The following RALYL variants were observed in gnomAD, a reference collection of about 807,000 sequenced individuals.
RALYL encodes RNA-binding Raly-like protein.
Under a neutral mutation model 35.1 loss-of-function variants are expected in RALYL, and 29 were observed. The observed-to-expected ratio is 0.83, with a 90% CI of 0.61 to 1.13. RALYL has a LOEUF of 1.13. Among genes scored for constraint, RALYL ranks in the 50% most tolerant of loss-of-function variants. The probability of loss-of-function intolerance (pLI) is 0.00; values close to 1 mark genes in which losing one functional copy is unlikely to be tolerated. For synonymous variants in RALYL, 120 were observed against 127.6 expected (o/e 0.94, Z 0.40); for missense variants, 359 against 360.4 (o/e 1.00, Z 0.03).
At chr8:84,735,102 A>G (rs946183750) in intron 2 of RALYL, among the ~76,000 whole-genome samples, 4 of 151,190 alleles carry the variant, frequency 2.6e-5, no homozygotes, top group Non-Finnish European at 1.5e-5. Flanking sequence ...GCACAGTTTC[A>G]TTTGCCATAT....
intron 2 of RALYL, among the ~76,000 whole-genome samples, chr8:84,530,500 A>C (rs1028034024): frequency 3.5e-4 from 53 of 152,126 alleles, no homozygotes; most frequent in African/African-American, 1.1e-3. Flanking sequence ...AAAAAAAAAA[A>C]AACTTTGATT....
chr8:84,357,291 T>C (rs1852026857), intron 1 of RALYL, among the ~76,000 whole-genome samples: 2 of 152,024 alleles, frequency 1.3e-5, no homozygotes, highest in Admixed American at 1.3e-4. Context: ...AGAATAGAAA[T>C]GTAAGATCAA....
chr8:84,480,552 G>A (rs934338258), intron 1 of RALYL, among the ~76,000 whole-genome samples: 1 of 152,076 alleles, frequency 6.6e-6, no homozygotes, highest in Non-Finnish European at 1.5e-5. Flanking sequence ...ATGCTTTTTG[G>A]GAGAAAACAC....
rs1167949176 is a variant in RALYL at position 84,552,358 on chromosome 8, ATTTTT to A, written c.256+22806_256+22810del. On this transcript the variant is annotated intron_variant, in intron 2 of 8. Transcript: ENST00000521268. ...TGTGTGTATATATATATATATATAT[ATTTTT>A]TTTTTTTTTTTTTTTTTTTTTTTTG... Among the ~76,000 whole-genome samples, 204 of 30,500 alleles carry A rather than the reference ATTTTT, an allele frequency of 6.7e-3. 1 individual carries two copies. The highest frequency in any genetic ancestry group is 0.017 in the African/African-American group (130 of 7,706). 20.0% of individuals were successfully genotyped at this position (30,500 alleles called of 152,430 possible). A position where few individuals can be genotyped will look rare whatever the true frequency, so the allele number is the denominator to read the frequency against.
At chr8:84,861,618 T>TA (rs1322787037) in intron 5 of RALYL, among the ~76,000 whole-genome samples, 1 of 152,216 alleles carries the variant, frequency 6.6e-6, no homozygotes, top group African/African-American at 2.4e-5. Context: ...AATTAAAAGA[T>TA]ATCTTGATAA....
At chr8:84,862,218 T>C (rs1838234406) in intron 5 of RALYL, 78 bp from the exon 6 acceptor site, 1 of 1,212,544 alleles carries the variant, frequency 8.2e-7, no homozygotes, top group Non-Finnish European at 1.1e-6. Flanking sequence ...TACCAGGACA[T>C]TCTGTTCAAC....
chr8:84,775,497 CA>C lies in RALYL; in HGVS notation c.332+846del, dbSNP rs1166656020. 2.0e-5 allele frequency among the ~76,000 whole-genome samples: 3 copies of C among 152,264 alleles called. No homozygotes were observed. The East Asian group carries it at 5.8e-4, about 29-fold the overall frequency. Reference sequence around the variant, plus strand: ...CTCAGTCAGTCAGCCTTCTTTATTACAAAGTACATGTTTCTCTCATGACCAT... The same window carrying C: ...CTCAGTCAGTCAGCCTTCTTTATTACAAGTACATGTTTCTCTCATGACCAT... On this transcript the variant is annotated intron_variant, in intron 3 of 8. Coordinates refer to ENST00000521268, the MANE Select transcript of RALYL (RefSeq NM_173848.7).
At chr8:84,470,096 T>A (rs2052499954) in intron 1 of RALYL, among the ~76,000 whole-genome samples, 1 of 152,152 alleles carries the variant, frequency 6.6e-6, no homozygotes, top group Non-Finnish European at 1.5e-5. Context: ...AAATCACCCA[T>A]CTTCTGCGTC....
chr8:84,899,297 C>G (rs974172504), intron 8 of RALYL, among the ~76,000 whole-genome samples: 1 of 151,700 alleles, frequency 6.6e-6, no homozygotes, highest in African/African-American at 2.4e-5. Flanking sequence ...ACTTAACTTA[C>G]TATATTGTAA....
chr8:84,239,894 TAAATAAATAA>T (rs1199726740), intron 1 of RALYL, among the ~76,000 whole-genome samples: 5 of 151,870 alleles, frequency 3.3e-5, no homozygotes, highest in East Asian at 1.9e-4. Context: ...CCATCTCAAA[TAAATAAATAA>T]AAATAAATAA....
intron 1 of RALYL, among the ~76,000 whole-genome samples, chr8:84,438,324 A>G (rs2047957943): frequency 6.6e-6 from 1 of 152,028 alleles, no homozygotes; most frequent in South Asian, 2.1e-4. Flanking sequence ...TCCATAAATT[A>G]CTTCCCAAGG....
At chr8:84,225,705 G>A (rs1031885376) in intron 1 of RALYL, among the ~76,000 whole-genome samples, 1 of 152,022 alleles carries the variant, frequency 6.6e-6, no homozygotes, top group African/African-American at 2.4e-5. Flanking sequence ...TTGTGTGACT[G>A]CCCCCACTCC....
At chr8:84,706,030 AT>A in intron 2 of RALYL, 1 of 1,535,372 alleles carries the variant, frequency 6.5e-7, no homozygotes, top group Non-Finnish European at 8.7e-7. Flanking sequence ...CAAAATGACC[AT>A]GTACAAGAGC....
chr8:84,268,311 A>G (rs1833695032), intron 1 of RALYL, among the ~76,000 whole-genome samples: 3 of 152,190 alleles, frequency 2.0e-5, no homozygotes, highest in Non-Finnish European at 1.5e-5. Flanking sequence ...TTAGAGGGCC[A>G]TTAGCTGACT....
intron 1 of RALYL, among the ~76,000 whole-genome samples, chr8:84,323,208 A>C (rs184603060): frequency 6.6e-5 from 10 of 152,196 alleles, no homozygotes; most frequent in Admixed American, 2.6e-4. Flanking sequence ...GTAATCCTTA[A>C]TAATTATTTT....
intron 5 of RALYL, among the ~76,000 whole-genome samples, chr8:84,861,576 C>G (rs954722837): frequency 6.6e-6 from 1 of 152,076 alleles, no homozygotes; most frequent in South Asian, 2.1e-4. Context: ...TATCTCTAGT[C>G]TCAATTTGCA....
intron 8 of RALYL, among the ~76,000 whole-genome samples, chr8:84,905,435 C>T (rs1489599430): frequency 3.9e-5 from 6 of 152,082 alleles, no homozygotes; most frequent in African/African-American, 1.4e-4. Context: ...TGGATAAACA[C>T]ACAGTAGTGG....
chr8:84,592,835 C>T (rs1404667186), intron 2 of RALYL, among the ~76,000 whole-genome samples: 1 of 151,936 alleles, frequency 6.6e-6, no homozygotes, highest in African/African-American at 2.4e-5. Flanking sequence ...TTAGTTCTGC[C>T]TTCATTACTC....
chr8:84,192,639 C>A (rs550460609), intron 1 of RALYL, among the ~76,000 whole-genome samples: 1 of 151,758 alleles, frequency 6.6e-6, no homozygotes, highest in Non-Finnish European at 1.5e-5. Context: ...CTCACTGCAA[C>A]CTCCGCTTAC....
Sources: allele counts gnomAD v4.1 joint callset (sites outside exome capture counted in the v4.1 genomes callset), GRCh38; gene constraint gnomAD v4.1.1; transcripts MANE v1.5; gene names NCBI Gene and HGNC (gene_info 2026-07-23, HGNC 2026-07-21).